The following NRXN1 variants were observed in gnomAD, a reference collection of about 807,000 sequenced individuals.
The protein encoded by NRXN1 is neurexin 1, also known as neurexin-1.
A neutral mutation model predicts 150.9 loss-of-function variants in NRXN1; 39 were observed. The observed-to-expected ratio is 0.26, with a 90% confidence interval of 0.20 to 0.34. The LOEUF (loss-of-function observed/expected upper bound fraction) is 0.34, where lower values mean the gene tolerates loss of function less well. Among genes scored for constraint, NRXN1 ranks in the 10% least tolerant of loss-of-function variants. The pLI, the probability that NRXN1 is intolerant of heterozygous loss-of-function variation, is 1.00. For synonymous variants in NRXN1, 924 were observed against 757.0 expected (o/e 1.22, Z -3.62); for missense variants, 1,815 against 1,949.9 (o/e 0.93, Z 1.30).
chr2:50,691,780 C>A (rs72887534), intron 5 of NRXN1, among the ~76,000 whole-genome samples: 5 of 152,072 alleles, frequency 3.3e-5, no homozygotes, highest in African/African-American at 1.2e-4. Context: ...ACCCCGAGGG[C>A]TGACTCGGGG....
At chr2:50,635,838 G>A (rs1205698664) in intron 5 of NRXN1, among the ~76,000 whole-genome samples, 1 of 152,150 alleles carries the variant, frequency 6.6e-6, no homozygotes, top group Admixed American at 6.5e-5. Context: ...GCTGAGGAAG[G>A]TTAACTGGCC....
chr2:50,447,557 C>CATATATACATATATATGTATACATAT (rs2086540332), intron 17 of NRXN1, among the ~76,000 whole-genome samples: 1 of 137,242 alleles, frequency 7.3e-6, no homozygotes, highest in Non-Finnish European at 1.5e-5. Context: ...TATATATATA[C>CATATATACATATATATGTATACATAT]ATATATATAT....
At chr2:50,876,640 T>C (rs1678633459) in intron 5 of NRXN1, among the ~76,000 whole-genome samples, 1 of 151,838 alleles carries the variant, frequency 6.6e-6, no homozygotes, top group Non-Finnish European at 1.5e-5. Context: ...CATCTCATTA[T>C]GGTAAGAATC....
chr2:50,714,534 A>C (rs1417052794), intron 5 of NRXN1, among the ~76,000 whole-genome samples: 2 of 152,184 alleles, frequency 1.3e-5, no homozygotes. Context: ...TAAGTGTCAC[A>C]GTATATGGGT....
chr2:50,308,064 C>T (rs994963826), intron 17 of NRXN1, among the ~76,000 whole-genome samples: 2 of 152,126 alleles, frequency 1.3e-5, no homozygotes, highest in Non-Finnish European at 2.9e-5. Context: ...TAGTCACAGT[C>T]ACAGTTACCA....
intron 17 of NRXN1, among the ~76,000 whole-genome samples, chr2:50,391,902 T>C (rs985318607): frequency 1.2e-4 from 18 of 152,176 alleles, no homozygotes; most frequent in Non-Finnish European, 2.5e-4. Flanking sequence ...GACCACTTCA[T>C]TTAGTAATCT....
chr2:50,829,720 C>A, intron 5 of NRXN1: 3 of 1,593,996 alleles, frequency 1.9e-6, no homozygotes, highest in Non-Finnish European at 2.6e-6. Flanking sequence ...AGAGCTCGCC[C>A]ACGGTTGGCA....
At chr2:50,118,218 A>C (rs1285826357) in intron 18 of NRXN1, among the ~76,000 whole-genome samples, 1 of 152,166 alleles carries the variant, frequency 6.6e-6, no homozygotes, top group Admixed American at 6.6e-5. Flanking sequence ...TCTTCTGGGA[A>C]TCTTGTAAAA....
chr2:51,020,932 C>A (rs896982821), intron 2 of NRXN1, among the ~76,000 whole-genome samples: 1 of 151,902 alleles, frequency 6.6e-6, no homozygotes, highest in Non-Finnish European at 1.5e-5. Context: ...AAAAGCCTTG[C>A]AATTTTCTGA....
intron 22 of NRXN1, among the ~76,000 whole-genome samples, chr2:49,934,118 TA>T (rs1670604427): frequency 6.6e-6 from 1 of 152,222 alleles, no homozygotes; most frequent in Non-Finnish European, 1.5e-5. Context: ...AAAATTTTAT[TA>T]TGATATTTTA....
At chr2:50,253,272 A>G (rs1161321127) in intron 17 of NRXN1, among the ~76,000 whole-genome samples, 1 of 152,130 alleles carries the variant, frequency 6.6e-6, no homozygotes, top group Non-Finnish European at 1.5e-5. Flanking sequence ...GTATCTTGAG[A>G]CTTTGCTGAA....
At chr2:50,197,862 T>C (rs2061879292) in intron 18 of NRXN1, among the ~76,000 whole-genome samples, 1 of 152,116 alleles carries the variant, frequency 6.6e-6, no homozygotes. Flanking sequence ...AATGAACATA[T>C]TTTTTAAAGG....
intron 17 of NRXN1, among the ~76,000 whole-genome samples, chr2:50,398,790 T>G (rs1337305128): frequency 1.3e-5 from 2 of 152,134 alleles, no homozygotes; most frequent in Non-Finnish European, 2.9e-5. Flanking sequence ...CTATTGTCAT[T>G]TCTAGAGTTC....
At chr2:50,081,747 TTATG>T (rs1407570692) in intron 19 of NRXN1, among the ~76,000 whole-genome samples, 1 of 152,178 alleles carries the variant, frequency 6.6e-6, no homozygotes, top group Non-Finnish European at 1.5e-5. Context: ...ATACTAGCTA[TTATG>T]TATTATCATT....
chr2:50,524,207 G>T (rs2092878679), intron 12 of NRXN1, among the ~76,000 whole-genome samples: 1 of 152,066 alleles, frequency 6.6e-6, no homozygotes, highest in African/African-American at 2.4e-5. Context: ...GGACGGGTGT[G>T]GTGGCTCACG....
chr2:50,286,504 T>C (rs546535996), intron 17 of NRXN1, among the ~76,000 whole-genome samples: 20 of 152,202 alleles, frequency 1.3e-4, no homozygotes, highest in Non-Finnish European at 2.5e-4. Context: ...TGTGTATATA[T>C]ACCTTTTTAA....
chr2:50,466,862 T>A (rs1042603386), intron 16 of NRXN1, among the ~76,000 whole-genome samples: 1 of 151,814 alleles, frequency 6.6e-6, no homozygotes, highest in Non-Finnish European at 1.5e-5. Flanking sequence ...CATGTGCAGA[T>A]ACAGTGTAGA....
intron 5 of NRXN1, among the ~76,000 whole-genome samples, chr2:50,822,954 T>C (rs954992152): frequency 3.9e-5 from 6 of 152,288 alleles, no homozygotes; most frequent in Middle Eastern, 3.4e-3. Context: ...CTACCATGTA[T>C]ATTTTCAAAG....
At chr2:50,716,227 C>T (rs1052041343) in intron 5 of NRXN1, among the ~76,000 whole-genome samples, 1 of 152,068 alleles carries the variant, frequency 6.6e-6, no homozygotes, top group African/African-American at 2.4e-5. Flanking sequence ...TTTCAGTGCA[C>T]ATGTTTAACA....
Sources: gnomAD v4.1 joint callset for allele counts (sites outside exome capture counted in the v4.1 genomes callset) on GRCh38, gnomAD v4.1.1 for gene constraint, MANE v1.5 for transcripts, NCBI Gene and HGNC (gene_info 2026-07-23, HGNC 2026-07-21) for gene names.